The following DOK6 variants were observed in gnomAD, a reference collection of about 807,000 sequenced individuals.
DOK6 encodes the protein downstream of tyrosine kinase 6.
Under a neutral mutation model 44.0 loss-of-function variants are expected in DOK6, and 22 were observed. That is an observed-to-expected ratio of 0.50 (90% CI 0.36 to 0.71). The LOEUF (loss-of-function observed/expected upper bound fraction) is 0.71, where lower values mean the gene tolerates loss of function less well. Ranked by LOEUF, DOK6 falls within the 30% of genes least tolerant of loss-of-function variation. The probability of loss-of-function intolerance (pLI) is 0.00; values close to 1 mark genes in which losing one functional copy is unlikely to be tolerated. For missense variants in DOK6, 340 were observed against 416.4 expected, an observed-to-expected ratio of 0.82 and a Z score of 1.60; for synonymous variants, 166 against 145.5, an observed-to-expected ratio of 1.14 and a Z score of -1.01.
chr18:69,653,736 G>A (rs1370542224), intron 3 of DOK6, among the ~76,000 whole-genome samples: 3 of 152,198 alleles, frequency 2.0e-5, no homozygotes, highest in Non-Finnish European at 2.9e-5. Context: ...GCAGTGAAGT[G>A]AACTGATAAA....
At chr18:69,625,176 C>A (rs9944785) in intron 3 of DOK6, among the ~76,000 whole-genome samples, 26 of 152,148 alleles carry the variant, frequency 1.7e-4, no homozygotes, top group African/African-American at 5.8e-4. Context: ...CAGTAGGTGA[C>A]CTAAGAATGC....
chr18:69,562,586 T>A (rs1982862935), intron 1 of DOK6, among the ~76,000 whole-genome samples: 1 of 152,206 alleles, frequency 6.6e-6, no homozygotes, highest in Admixed American at 6.5e-5. Flanking sequence ...CTGGGAAAAC[T>A]GGCTAGCCAT....
chr18:69,749,972 C>T (rs112152163), intron 6 of DOK6, among the ~76,000 whole-genome samples: 58 of 147,950 alleles, frequency 3.9e-4, no homozygotes, highest in African/African-American at 7.2e-4. Context: ...GGTCAAATAC[C>T]GGGTAAAATG....
chr18:69,498,774 C>T lies in DOK6; in HGVS notation c.67-65713C>T, dbSNP rs540048682. Among the ~76,000 whole-genome samples the T allele has an allele frequency of 5.9e-5, 9 of 152,282 alleles. No homozygotes were observed. The Middle Eastern group carries it at 0.01, about 173-fold the overall frequency. On this transcript the variant is annotated intron_variant, in intron 1 of 7. Transcript: ENST00000382713. The stretch of plus-strand genomic sequence containing the variant: ...TTCCAGGCATGGAACAGGGCAAGGG[C>T]ACTCTCTTGTACAAAGATGCAACTC...
chr18:69,429,584 A>G (rs1978739434), intron 1 of DOK6, among the ~76,000 whole-genome samples: 1 of 142,828 alleles, frequency 7.0e-6, no homozygotes, highest in African/African-American at 2.5e-5. Context: ...ATCTATATCT[A>G]TGTTGATTTT....
At chr18:69,779,388 T>G (rs886802643) in intron 7 of DOK6, among the ~76,000 whole-genome samples, 1 of 151,820 alleles carries the variant, frequency 6.6e-6, no homozygotes, top group African/African-American at 2.4e-5. Context: ...GCAGAGACTA[T>G]CTCCACCTCC....
In DOK6 at chr18:69,833,166, C is replaced by T. The variant is rs1239241468; in HGVS notation, c.857-8078C>T. 2.6e-5 allele frequency among the ~76,000 whole-genome samples: 4 copies of T among 152,078 alleles called. No individual in the cohort carries two copies. The East Asian group carries it at 5.8e-4, about 22-fold the overall frequency. ...TCACAGTATCCCAATTCAAATTAAACTACAATGGTATAGTAACAAAAACAG... is the reference window on the plus strand; with the variant it reads ...TCACAGTATCCCAATTCAAATTAAATTACAATGGTATAGTAACAAAAACAG... On this transcript the variant is annotated intron_variant, in intron 7 of 7. Coordinates refer to ENST00000382713, the MANE Select transcript of DOK6 (RefSeq NM_152721.6).
chr18:69,559,060 C>T lies in DOK6; in HGVS notation c.67-5427C>T, dbSNP rs542608309. 2.5e-3 allele frequency among the ~76,000 whole-genome samples: 383 copies of T among 152,138 alleles called. 1 individual carries two copies. Among genetic ancestry groups the T allele is most frequent in the African/African-American group, 8.8e-3 (367 of 41,522 alleles). ...TAGAATCTTTAAAAATCAGTCTTAT[C>T]TCTGTGTGATTGCCTTTCTTAATGT... On this transcript the variant is annotated intron_variant, in intron 1 of 7. Transcript: ENST00000382713.
At chr18:69,783,907 C>G (rs1255599843) in intron 7 of DOK6, among the ~76,000 whole-genome samples, 1 of 152,076 alleles carries the variant, frequency 6.6e-6, no homozygotes, top group Non-Finnish European at 1.5e-5. Flanking sequence ...CGATTTTCTG[C>G]CCTTGGCTGG....
intron 7 of DOK6, among the ~76,000 whole-genome samples, chr18:69,810,096 AG>A (rs993525730): frequency 4.6e-4 from 70 of 152,046 alleles, no homozygotes; most frequent in Middle Eastern, 3.2e-3. Context: ...TACAAAGCTA[AG>A]TAATCAAAAC....
Position 69,564,471 on chromosome 18 carries a change from C to A in DOK6, c.67-16C>A. 1 of 1,610,616 alleles carries A rather than the reference C, an allele frequency of 6.2e-7. No homozygotes were observed. The highest frequency in any genetic ancestry group is 2.2e-5 in the East Asian group (1 of 44,790). ...TGTAAAAATATGGATAATGGGATTC[C>A]TTTATTTGCTTTCAGATTTTCAGAC... On this transcript the variant is annotated splice_polypyrimidine_tract_variant and intron_variant, in intron 1 of 7. Transcript: ENST00000382713.
intron 1 of DOK6, among the ~76,000 whole-genome samples, chr18:69,561,501 A>C (rs556865586): frequency 6.6e-6 from 1 of 152,224 alleles, no homozygotes; most frequent in East Asian, 1.9e-4. Context: ...TCACTTTGGG[A>C]GTGTGGATAA....
intron 3 of DOK6, among the ~76,000 whole-genome samples, chr18:69,647,031 ATCTG>A (rs1350592646): frequency 6.9e-6 from 1 of 144,618 alleles, no homozygotes; most frequent in African/African-American, 2.6e-5. Context: ...TCATCTATCC[ATCTG>A]TCTATCCTGT....
intron 1 of DOK6, among the ~76,000 whole-genome samples, chr18:69,421,946 A>G (rs1568252284): frequency 6.6e-6 from 1 of 152,210 alleles, no homozygotes; most frequent in Non-Finnish European, 1.5e-5. Context: ...AAAACAAAGC[A>G]AAGCAAAACA....
intron 1 of DOK6, among the ~76,000 whole-genome samples, chr18:69,462,788 G>A (rs1162477812): frequency 1.3e-5 from 2 of 152,188 alleles, no homozygotes; most frequent in Non-Finnish European, 2.9e-5. Context: ...TTGGAAAGGT[G>A]GTTTCTCTTG....
intron 1 of DOK6, among the ~76,000 whole-genome samples, chr18:69,449,721 G>T (rs2122455772): frequency 6.6e-6 from 1 of 152,026 alleles, no homozygotes; most frequent in Non-Finnish European, 1.5e-5. Context: ...CTGAGAACGG[G>T]CAGACTGCCT....
chr18:69,645,093 C>T (rs1316051933), intron 3 of DOK6, among the ~76,000 whole-genome samples: 1 of 152,212 alleles, frequency 6.6e-6, no homozygotes, highest in Non-Finnish European at 1.5e-5. Flanking sequence ...TTGCCTCTTA[C>T]ATAAGTGTAG....
chr18:69,490,463 C>T (rs1362312357), intron 1 of DOK6, among the ~76,000 whole-genome samples: 2 of 152,110 alleles, frequency 1.3e-5, no homozygotes, highest in Admixed American at 6.5e-5. Flanking sequence ...AAAAATGTTT[C>T]AAGTTAAGAA....
rs569484420 is a variant in DOK6 at position 69,718,330 on chromosome 18, C to T, written c.599+19737C>T. 1.5e-3 allele frequency among the ~76,000 whole-genome samples: 228 copies of T among 152,214 alleles called. 2 individuals carry two copies. The highest frequency in any genetic ancestry group is 1.4e-3 in the Non-Finnish European group (98 of 68,002). ...TTAAACTCGGATCCTAAGTCCCCAA[C>T]CCCCCAAAAGAAGCTGAGAGTTGGG... On this transcript the variant is annotated intron_variant, in intron 5 of 7. Coordinates refer to ENST00000382713, the MANE Select transcript of DOK6 (RefSeq NM_152721.6).
Sources: allele counts gnomAD v4.1 joint callset (sites outside exome capture counted in the v4.1 genomes callset), GRCh38; gene constraint gnomAD v4.1.1; transcripts MANE v1.5; gene names NCBI Gene and HGNC (gene_info 2026-07-23, HGNC 2026-07-21).